PCLO: variants seen among roughly 807,000 people sequenced by gnomAD.
PCLO encodes protein piccolo.
Under a neutral mutation model 427.5 loss-of-function variants are expected in PCLO, and 82 were observed. The ratio of observed to expected loss-of-function variants is 0.19; its 90% CI spans 0.16 to 0.23. PCLO has a LOEUF of 0.23. Among genes scored for constraint, PCLO ranks in the 10% least tolerant of loss-of-function variants. The pLI, the probability that PCLO is intolerant of heterozygous loss-of-function variation, is 1.00. For missense variants in PCLO, 6,239 were observed against 6,115.9 expected (o/e 1.02, Z -0.67); for synonymous variants, 2,357 against 2,155.4 (o/e 1.09, Z -2.59).
intron 15 of PCLO, among the ~76,000 whole-genome samples, chr7:82,837,624 A>G (rs1792262450): frequency 6.6e-6 from 1 of 152,010 alleles, no homozygotes; most frequent in Admixed American, 6.6e-5. Flanking sequence ...ACACTTGCTT[A>G]TATCAACAAT....
intron 10 of PCLO, among the ~76,000 whole-genome samples, chr7:82,865,782 A>G (rs115684552): frequency 0.014 from 2,068 of 152,240 alleles, 66 homozygotes; most frequent in African/African-American, 0.048. Flanking sequence ...TCTATTATAC[A>G]TATATATAAC....
intron 3 of PCLO, among the ~76,000 whole-genome samples, chr7:83,025,505 A>G (rs1008674718): frequency 6.6e-6 from 1 of 152,088 alleles, no homozygotes; most frequent in Non-Finnish European, 1.5e-5. Flanking sequence ...GATGGGGAGA[A>G]TGGAACCAAG....
intron 9 of PCLO, among the ~76,000 whole-genome samples, chr7:82,897,654 C>A (rs1793938746): frequency 6.6e-6 from 1 of 151,338 alleles, no homozygotes; most frequent in African/African-American, 2.4e-5. Flanking sequence ...CTCTATTAAT[C>A]TAGCACCCAA....
At chr7:82,895,102 T>G (rs1259325561) in intron 9 of PCLO, among the ~76,000 whole-genome samples, 1 of 152,080 alleles carries the variant, frequency 6.6e-6, no homozygotes, top group East Asian at 1.9e-4. Flanking sequence ...CAAATCTGAA[T>G]GAAGTCAAAA....
intron 6 of PCLO, among the ~76,000 whole-genome samples, chr7:82,938,575 G>T (rs1056260660): frequency 1.3e-5 from 2 of 151,906 alleles, no homozygotes; most frequent in East Asian, 1.9e-4. Flanking sequence ...TTGAAAAAAG[G>T]CCTGATGACC....
intron 22 of PCLO, among the ~76,000 whole-genome samples, chr7:82,785,055 T>A (rs1790957009): frequency 6.6e-6 from 1 of 152,220 alleles, no homozygotes; most frequent in Non-Finnish European, 1.5e-5. Context: ...TTTGGTATTA[T>A]TTTATATTTC....
chr7:83,147,184 A>C (rs1249079476), intron 2 of PCLO, among the ~76,000 whole-genome samples: 1 of 152,138 alleles, frequency 6.6e-6, no homozygotes, highest in African/African-American at 2.4e-5. Context: ...GGGAATATCC[A>C]AATCATAAGA....
intron 9 of PCLO, among the ~76,000 whole-genome samples, chr7:82,899,169 TA>T (rs932524647): frequency 2.0e-5 from 3 of 151,452 alleles, no homozygotes; most frequent in African/African-American, 7.3e-5. Context: ...TTTATCAATT[TA>T]AAAAATACAT....
At chr7:82,965,235 G>A (rs971369893) in intron 4 of PCLO, among the ~76,000 whole-genome samples, 2 of 151,100 alleles carry the variant, frequency 1.3e-5, no homozygotes, top group Admixed American at 6.6e-5. Flanking sequence ...ATATTAAACT[G>A]CTTTGTGAAA....
intron 3 of PCLO, among the ~76,000 whole-genome samples, chr7:83,024,456 CG>C (rs1562925510): frequency 2.0e-5 from 3 of 152,172 alleles, no homozygotes. Context: ...GAGGGTCCTA[CG>C]CCCACGGAGT....
intron 22 of PCLO, among the ~76,000 whole-genome samples, chr7:82,794,450 A>ATTTTTTTTTTTTTTTTTTTT (rs141105612): frequency 4.8e-5 from 3 of 62,028 alleles, no homozygotes; most frequent in Non-Finnish European, 7.7e-5. Flanking sequence ...TAGTTCATAA[A>ATTTTTTTTTTTTTTTTTTTT]TTTTTTTTCT....
chr7:82,781,675 T>C (rs1790876641), intron 22 of PCLO, among the ~76,000 whole-genome samples: 1 of 152,120 alleles, frequency 6.6e-6, no homozygotes, highest in Non-Finnish European at 1.5e-5. Context: ...CCTCAGGAAA[T>C]AGAATCTCTC....
chr7:82,828,043 G>A, intron 16 of PCLO, 77 bp from the exon 17 acceptor site: 1 of 754,770 alleles, frequency 1.3e-6, no homozygotes. Flanking sequence ...TAAAGGACAT[G>A]CAGACTATTC....
intron 22 of PCLO, among the ~76,000 whole-genome samples, chr7:82,778,076 G>GAAA (rs1790791312): frequency 6.6e-6 from 1 of 151,522 alleles, no homozygotes; most frequent in Non-Finnish European, 1.5e-5. Flanking sequence ...ACAAGCAAAG[G>GAAA]CAAACAACCC....
At chr7:82,887,671 C>T (rs1316421783) in intron 9 of PCLO, among the ~76,000 whole-genome samples, 1 of 152,098 alleles carries the variant, frequency 6.6e-6, no homozygotes, top group Non-Finnish European at 1.5e-5. Context: ...ATAAAAACTT[C>T]CTTTGTTACT....
chr7:82,955,956 C>T lies in PCLO; in HGVS notation c.4997G>A (p.Arg1666Gln), dbSNP rs759540241. ...LVVTGGGGLR[R>Q]FKTIELNSTI... ...ACTGTTGAGCTCAATTGTTTTAAAT[C>T]GGCGTAGCCCTCCTCCTCCAGTAAC... The change falls in exon 5 of 25, where the codon CGA becomes CAA. Residue 1666 changes from arginine to glutamine, a missense_variant. Arg to Gln is a conservative substitution (Grantham distance 43). Coordinates refer to ENST00000333891, the MANE Select transcript of PCLO (RefSeq NM_033026.6). 2.1e-5 allele frequency: 34 copies of T among 1,613,568 alleles called. No homozygotes were observed. The highest frequency in any genetic ancestry group is 2.6e-5 in the Non-Finnish European group (31 of 1,179,834).
Position 82,949,729 on chromosome 7 carries a change from G to T in PCLO, c.10859C>A (p.Pro3620His). 6.2e-7 allele frequency: 1 copy of T among 1,613,752 alleles called. No homozygotes were observed. Among genetic ancestry groups the T allele is most frequent in the African/African-American group, 1.3e-5 (1 of 74,980 alleles). ...VQLAPSPPKS[P>H]KVLYSPISPL... is the part of the protein sequence containing the mutation. Reference sequence around the variant, plus strand: ...TGAGATGGGTGAGTAAAGGACTTTGGGGGATTTGGGTGGGGAAGGAGCCAG... The same window carrying T: ...TGAGATGGGTGAGTAAAGGACTTTGTGGGATTTGGGTGGGGAAGGAGCCAG... The change falls in exon 6 of 25, where the codon CCC becomes CAC. Residue 3620 changes from proline to histidine, a missense_variant. This residue lies in a region of PCLO where 4,677 missense variants were observed against 4,468.4 expected (regional missense o/e 1.05). Transcript: ENST00000333891.
chr7:83,094,650 C>T (rs868848280), intron 3 of PCLO, among the ~76,000 whole-genome samples: 2 of 152,090 alleles, frequency 1.3e-5, no homozygotes, highest in Non-Finnish European at 2.9e-5. Flanking sequence ...GGACATCTGG[C>T]TTATTTCCAG....
In PCLO at chr7:82,758,557, C is replaced by T. The variant is rs917073917; in HGVS notation, c.*18G>A. On this transcript the variant is annotated 3_prime_UTR_variant, in exon 25 of 25. Transcript: ENST00000333891. The stretch of plus-strand genomic sequence containing the variant: ...GGCTATTTAGAGCAGTTTCTATACC[C>T]TGAGAAGACATGTTTCTTCAATGCG... The T allele has an allele frequency of 6.2e-6, 10 of 1,604,660 alleles. No homozygotes were observed. Among genetic ancestry groups the T allele is most frequent in the Non-Finnish European group, 8.5e-6 (10 of 1,175,606 alleles).
Sources: allele counts gnomAD v4.1 joint callset (sites outside exome capture counted in the v4.1 genomes callset), GRCh38; gene constraint gnomAD v4.1.1; regional missense constraint gnomAD v4.1.1; transcripts MANE v1.5; gene names NCBI Gene and HGNC (gene_info 2026-07-23, HGNC 2026-07-21).